CLINT1: variants seen among roughly 807,000 people sequenced by gnomAD.
CLINT1 encodes clathrin interacting protein localized in the trans-Golgi region.
A neutral mutation model predicts 70.4 loss-of-function variants in CLINT1; 15 were observed. The observed-to-expected ratio is 0.21, with a 90% CI of 0.14 to 0.33. The LOEUF (loss-of-function observed/expected upper bound fraction) is 0.33. Ranked by LOEUF, CLINT1 falls within the 10% of genes least tolerant of loss-of-function variation. CLINT1 has a pLI of 1.00. For missense variants in CLINT1, 615 were observed against 778.1 expected, an observed-to-expected ratio of 0.79 and a Z score of 2.49; for synonymous variants, 227 against 254.7, an observed-to-expected ratio of 0.89 and a Z score of 1.04.
chr5:157,825,785 C>G (rs572575861), intron 1 of CLINT1, among the ~76,000 whole-genome samples: 1 of 152,126 alleles, frequency 6.6e-6, no homozygotes, highest in Non-Finnish European at 1.5e-5. Flanking sequence ...GCTACTCTCA[C>G]ATCAATTCTA....
Position 157,805,951 on chromosome 5 carries a change from T to C in CLINT1, c.857A>G (p.Asp286Gly). Reference sequence around the variant, plus strand: ...TGTGTAATGTGCTGCTGCTCCAAGATCAATGGTTTTGGAAGGATTTGCTGT... The same window carrying C: ...TGTGTAATGTGCTGCTGCTCCAAGACCAATGGTTTTGGAAGGATTTGCTGT... ...KRTANPSKTI[D>G]LGAAAHYTGD... The change falls in exon 7 of 12, where the codon GAT becomes GGT. Residue 286 changes from aspartate to glycine, a missense_variant. Transcript: ENST00000411809. 1 of 1,613,936 alleles carries C rather than the reference T, an allele frequency of 6.2e-7. No homozygotes were observed. Among genetic ancestry groups the C allele is most frequent in the Non-Finnish European group, 8.5e-7 (1 of 1,179,880 alleles).
rs1279110178 is a variant in CLINT1, at chr5:157,786,485, AATC to A, written c.*1158_*1160del. 2.6e-5 allele frequency: 4 copies of A among 152,672 alleles called. No individual in the cohort carries two copies. Among genetic ancestry groups the A allele is most frequent in the Admixed American group, 2.6e-4 (4 of 15,300 alleles). 9.5% of individuals were successfully genotyped at this position (152,672 alleles called of 1,614,324 possible). A position where few individuals can be genotyped will look rare whatever the true frequency, so the allele number is the denominator to read the frequency against. ...ATTAATTTTGCATTCCAAACTCTAG[AATC>A]ATGATTTTCATGTGAGCTTAATGCA... On this transcript the variant is annotated 3_prime_UTR_variant, in exon 12 of 12. Coordinates refer to ENST00000411809, the MANE Select transcript of CLINT1 (RefSeq NM_014666.4).
At chr5:157,815,078 A>G (rs6556259) in intron 3 of CLINT1, among the ~76,000 whole-genome samples, 19,818 of 151,074 alleles carry the variant, frequency 0.13, 1,529 homozygotes, top group Non-Finnish European at 0.19. Context: ...AATTTAAACA[A>G]CCTGAAGGTA....
Position 157,787,247 on chromosome 5 carries a change from A to AC in CLINT1, c.*398dup, listed in dbSNP as rs1302138899. 1.7e-5 allele frequency: 3 copies of AC among 173,304 alleles called. No homozygotes were observed. The highest frequency in any genetic ancestry group is 1.4e-4 in the South Asian group (1 of 7,062). 10.7% of individuals were successfully genotyped at this position (173,304 alleles called of 1,614,324 possible). On this transcript the variant is annotated 3_prime_UTR_variant, in exon 12 of 12. Transcript: ENST00000411809. ...AGTAAAAGGAACAGACCCAATTATG[A>AC]CAAGGCGATCCAGGGACAGAAAAAT...
At chr5:157,854,394 G>A (rs1753678597) in intron 1 of CLINT1, among the ~76,000 whole-genome samples, 1 of 152,056 alleles carries the variant, frequency 6.6e-6, no homozygotes, top group Non-Finnish European at 1.5e-5. Context: ...GACTAGCCTG[G>A]GCAACATAGC....
intron 1 of CLINT1, among the ~76,000 whole-genome samples, chr5:157,854,214 A>C (rs1753672560): frequency 6.6e-6 from 1 of 152,202 alleles, no homozygotes; most frequent in South Asian, 2.1e-4. Context: ...GAAAAGAAAA[A>C]TAATCCATTC....
chr5:157,805,994 T>C lies in CLINT1; in HGVS notation c.814A>G (p.Thr272Ala). 1 of 1,614,008 alleles carries C rather than the reference T, an allele frequency of 6.2e-7. No homozygotes were observed. Among genetic ancestry groups the C allele is most frequent in the Non-Finnish European group, 8.5e-7 (1 of 1,179,890 alleles). ...IHITQATETTTTRHKRTANPS... is the reference protein window; with the variant it reads ...IHITQATETTATRHKRTANPS... Reference sequence around the variant, plus strand: ...TTTGCTGTGCGCTTGTGTCTGGTTGTGGTGGTCTCTGTGGCCTGTGTGATA... The same window carrying C: ...TTTGCTGTGCGCTTGTGTCTGGTTGCGGTGGTCTCTGTGGCCTGTGTGATA... The change falls in exon 7 of 12, where the codon ACA becomes GCA. Residue 272 changes from threonine to alanine, a missense_variant. Around this residue, in one of 2 missense-constraint regions of CLINT1, gnomAD observed 241 missense variants for 368.6 expected, o/e 0.65. Transcript: ENST00000411809.
chr5:157,856,405 T>C (rs991129703), intron 1 of CLINT1, among the ~76,000 whole-genome samples: 2 of 152,220 alleles, frequency 1.3e-5, no homozygotes, highest in Non-Finnish European at 2.9e-5. Context: ...TGCCAGAATA[T>C]GAACCAGATA....
chr5:157,836,660 C>T (rs1168791632), intron 1 of CLINT1, among the ~76,000 whole-genome samples: 1 of 152,220 alleles, frequency 6.6e-6, no homozygotes, highest in Admixed American at 6.5e-5. Context: ...CATGTTCTTG[C>T]CACACTGCAC....
chr5:157,858,904 G>A, intron 1 of CLINT1, 26 bp downstream of exon 1: 1 of 1,310,546 alleles, frequency 7.6e-7, no homozygotes, highest in Non-Finnish European at 1.0e-6. Flanking sequence ...CGTGGGCCTC[G>A]GCCACAACTG....
chr5:157,814,423 ATTAGACT>A (rs1762651472), intron 3 of CLINT1, 130 bp from the exon 4 acceptor site: 1 of 641,814 alleles, frequency 1.6e-6, no homozygotes, highest in Non-Finnish European at 2.7e-6. Flanking sequence ...GTTTCTTTAC[ATTAGACT>A]TTAAACACAT....
chr5:157,802,467 G>A (rs922237508), intron 8 of CLINT1, among the ~76,000 whole-genome samples: 1 of 151,146 alleles, frequency 6.6e-6, no homozygotes, highest in African/African-American at 2.4e-5. Flanking sequence ...GCACATACTG[G>A]AAATCAAACT....
intron 10 of CLINT1, chr5:157,790,798 T>A: frequency 3.4e-6 from 1 of 295,314 alleles, no homozygotes; most frequent in Non-Finnish European, 6.7e-6. Context: ...TAATTCGGAT[T>A]TAACTATAAA....
rs1376362964 is a variant in CLINT1 at position 157,809,804 on chromosome 5, A to G, written c.519T>C (p.Ser173=). The change falls in exon 6 of 12, where the codon AGT becomes AGC. Residue 173 remains serine, a splice_region_variant and synonymous_variant. Coordinates refer to ENST00000411809, the MANE Select transcript of CLINT1 (RefSeq NM_014666.4). The stretch of plus-strand genomic sequence containing the variant: ...ATTTGGGCTCAGGATCATATCTTTC[A>G]CCTAGATAGAGCATTAAAAAAAGAA... ...SSDSVGGFRY[S]ERYDPEPKSK... The G allele has an allele frequency of 6.2e-7, 1 of 1,610,742 alleles. No individual in the cohort carries two copies. The highest frequency in any genetic ancestry group is 8.5e-7 in the Non-Finnish European group (1 of 1,178,592).
chr5:157,833,649 A>C (rs1397765340), intron 1 of CLINT1, among the ~76,000 whole-genome samples: 1 of 152,064 alleles, frequency 6.6e-6, no homozygotes, highest in Admixed American at 6.5e-5. Context: ...TTACAACTAA[A>C]ACCAGTGTAT....
At position 157,811,264 on chromosome 5, in the gene CLINT1, G is replaced by A. The variant is rs563734957; in HGVS notation, c.518-1459C>T. On this transcript the variant is annotated intron_variant, in intron 5 of 11. Transcript: ENST00000411809. ...AGAATGAAAAAACACAAAACTGGCC[G>A]GGTGCGGTGGCTCATGCCTGTAATC... Among the ~76,000 whole-genome samples, 12 of 152,194 alleles carry A rather than the reference G, an allele frequency of 7.9e-5. No homozygotes were observed. The South Asian group carries it at 1.5e-3, about 18-fold the overall frequency.
chr5:157,835,862 A>G (rs1763404454), intron 1 of CLINT1, among the ~76,000 whole-genome samples: 1 of 152,236 alleles, frequency 6.6e-6, no homozygotes, highest in Non-Finnish European at 1.5e-5. Context: ...TGTGTCCCAT[A>G]GAAAGATTTG....
chr5:157,849,705 CTCA>C (rs1258434809), intron 1 of CLINT1, among the ~76,000 whole-genome samples: 1 of 152,190 alleles, frequency 6.6e-6, no homozygotes, highest in African/African-American at 2.4e-5. Context: ...GCCCAATTTC[CTCA>C]TAAGAAAATT....
In CLINT1 at chr5:157,830,796, C is replaced by CTCTA. The variant is rs1300619885; in HGVS notation, c.42-13250_42-13249insTAGA. On this transcript the variant is annotated intron_variant, in intron 1 of 11. Coordinates refer to ENST00000411809, the MANE Select transcript of CLINT1 (RefSeq NM_014666.4). ...TCTCTCTCTCTCTCTCTCTCTCTCT[C>CTCTA]TATATATATATATATATATAGAAAC... is the stretch of plus-strand genomic sequence containing the variant. Among the ~76,000 whole-genome samples, 798 of 85,630 alleles carry CTCTA rather than the reference C, an allele frequency of 9.3e-3. 4 individuals carry two copies. The highest frequency in any genetic ancestry group is 0.014 in the East Asian group (40 of 2,870). The allele number at this position is 85,630 out of a possible 152,430, so 56.2% of individuals were successfully genotyped here.
Sources: gnomAD v4.1 joint callset for allele counts (sites outside exome capture counted in the v4.1 genomes callset) on GRCh38, gnomAD v4.1.1 for gene constraint, gnomAD v4.1.1 regional missense constraint, MANE v1.5 for transcripts, NCBI Gene and HGNC (gene_info 2026-07-23, HGNC 2026-07-21) for gene names.